SLC25A48: variants seen among roughly 807,000 people sequenced by gnomAD.
SLC25A48 encodes the protein CTC-321K16.1.
SLC25A48 carries 29 observed loss-of-function variants against 32.2 expected under a neutral mutation model. The ratio of observed to expected loss-of-function variants is 0.90; its 90% CI spans 0.67 to 1.23. The LOEUF is 1.23. SLC25A48 is among the 50% of genes most tolerant of loss of function. The probability of loss-of-function intolerance (pLI) is 0.00; values close to 1 mark genes in which losing one functional copy is unlikely to be tolerated. For synonymous variants in SLC25A48, 164 were observed against 172.3 expected (o/e 0.95, Z 0.38); for missense variants, 399 against 422.7 (o/e 0.94, Z 0.49).
intron 3 of SLC25A48, among the ~76,000 whole-genome samples, chr5:135,749,987 C>T (rs1755732097): frequency 6.6e-6 from 1 of 152,302 alleles, no homozygotes; most frequent in South Asian, 2.1e-4. Flanking sequence ...GCTGATAGCC[C>T]TGACACCATC....
At chr5:135,623,568 C>T (rs1450156615) in intron 1 of SLC25A48, among the ~76,000 whole-genome samples, 1 of 152,216 alleles carries the variant, frequency 6.6e-6, no homozygotes, top group Non-Finnish European at 1.5e-5. Context: ...CACCTGACCT[C>T]AGGCTTGTCC....
intron 3 of SLC25A48, among the ~76,000 whole-genome samples, chr5:135,714,363 C>T (rs1199540042): frequency 2.0e-5 from 3 of 152,218 alleles, no homozygotes; most frequent in African/African-American, 4.8e-5. Flanking sequence ...TTGGAAAAGA[C>T]GTGCTCCAGA....
chr5:135,760,587 G>A (rs1197075279), intron 3 of SLC25A48, among the ~76,000 whole-genome samples: 1 of 152,204 alleles, frequency 6.6e-6, no homozygotes, highest in East Asian at 1.9e-4. Flanking sequence ...ACCTTGCTCA[G>A]CTGGGCTCCA....
At chr5:135,633,188 G>T (rs542606367) in intron 2 of SLC25A48, among the ~76,000 whole-genome samples, 1 of 152,186 alleles carries the variant, frequency 6.6e-6, no homozygotes, top group South Asian at 2.1e-4. Context: ...TGGGCTGTAC[G>T]GTTTATTCAC....
intron 3 of SLC25A48, among the ~76,000 whole-genome samples, chr5:135,775,550 CAT>C (rs1170279920): frequency 1.3e-5 from 2 of 151,496 alleles, no homozygotes. Context: ...GTACACCCCT[CAT>C]GTGATATTGT....
rs148733721 is a variant in SLC25A48, at chr5:135,754,740, C to T, written c.-520-57783C>T. ...ACACACTGTGATATTAATGAAATAT[C>T]GCTCTGGCATTTATAATATCGAGTG... On this transcript the variant is annotated intron_variant, in intron 3 of 10. Coordinates refer to the SLC25A48 transcript ENST00000646290. Among the ~76,000 whole-genome samples, 500 of 150,206 alleles carry T rather than the reference C, an allele frequency of 3.3e-3. 6 individuals are homozygous for T. The highest frequency in any genetic ancestry group is 0.011 in the African/African-American group (467 of 40,884).
chr5:135,675,345 A>G lies in SLC25A48; in HGVS notation c.-521+40389A>G, dbSNP rs78178982. On this transcript the variant is annotated intron_variant, in intron 3 of 10. Coordinates refer to the SLC25A48 transcript ENST00000646290. ...CTGTGCAGAAGCTTTTTAGTTTACT[A>G]TAGTCCCATTTATCTGTTTCTGTTT... 1.6e-4 allele frequency among the ~76,000 whole-genome samples: 25 copies of G among 151,988 alleles called. No individual in the cohort carries two copies. The East Asian group carries it at 4.6e-3, about 28-fold the overall frequency.
intron 6 of SLC25A48, chr5:135,874,685 C>T (rs1178569180): frequency 2.8e-6 from 2 of 702,300 alleles, no homozygotes; most frequent in Admixed American, 4.0e-5. Flanking sequence ...ACACGTTTCC[C>T]TGGGCTGTGT....
At chr5:135,685,431 C>CTTTTTTTTTTTTTTTTTTTTTTTT (rs5871571) in intron 3 of SLC25A48, among the ~76,000 whole-genome samples, 1 of 129,754 alleles carries the variant, frequency 7.7e-6, no homozygotes, top group African/African-American at 2.9e-5. Context: ...GATGTAAGGA[C>CTTTTTTTTTTTTTTTTTTTTTTTT]TTTTTTTTTT....
At chr5:135,725,926 C>T (rs1010650274) in intron 3 of SLC25A48, among the ~76,000 whole-genome samples, 12 of 152,110 alleles carry the variant, frequency 7.9e-5, no homozygotes, top group African/African-American at 2.7e-4. Flanking sequence ...AGAAAGCTAC[C>T]CTTGTTAATG....
intron 3 of SLC25A48, among the ~76,000 whole-genome samples, chr5:135,744,581 C>A (rs1433189490): frequency 6.7e-6 from 1 of 149,612 alleles, no homozygotes; most frequent in Non-Finnish European, 1.5e-5. Flanking sequence ...AAGTGATCCA[C>A]CTGCCTCGGC....
chr5:135,678,866 A>G (rs11747106), intron 3 of SLC25A48, among the ~76,000 whole-genome samples: 114,662 of 151,974 alleles, frequency 0.75, 43,721 homozygotes, highest in Middle Eastern at 0.86. Flanking sequence ...CTGTGGTAAA[A>G]TTTTTCTGGG....
At chr5:135,712,535 C>T (rs1221508001) in intron 3 of SLC25A48, among the ~76,000 whole-genome samples, 1 of 152,190 alleles carries the variant, frequency 6.6e-6, no homozygotes, top group Admixed American at 6.5e-5. Context: ...AGCAGGCTTC[C>T]CCTGAGACCT....
intron 3 of SLC25A48, among the ~76,000 whole-genome samples, chr5:135,787,754 G>A (rs183212025): frequency 3.9e-5 from 6 of 151,946 alleles, no homozygotes; most frequent in Admixed American, 1.3e-4. Context: ...CACAGGAGGT[G>A]TACACGCTGT....
chr5:135,672,660 A>G (rs1753682615), intron 3 of SLC25A48, among the ~76,000 whole-genome samples: 1 of 152,222 alleles, frequency 6.6e-6, no homozygotes, highest in East Asian at 1.9e-4. Flanking sequence ...AACACGTAAC[A>G]TCCCCTGTTT....
rs1761778998 is a variant in SLC25A48 at position 135,872,975 on chromosome 5, G to A, written c.680-1046G>A. 2.6e-5 allele frequency among the ~76,000 whole-genome samples: 4 copies of A among 152,212 alleles called. No homozygotes were observed. In the South Asian group the frequency reaches 8.3e-4, roughly 32 times the overall value. ...ACCGACTGGCAGAGAGGACGGCAAG[G>A]CCCCATTTGCTCTCACTTTTGCAGA... is the stretch of plus-strand genomic sequence containing the variant. On this transcript the variant is annotated intron_variant, in intron 5 of 7. Coordinates refer to ENST00000681962, the MANE Select transcript of SLC25A48 (RefSeq NM_001349336.2).
At chr5:135,665,432 G>C (rs1195768366) in intron 3 of SLC25A48, among the ~76,000 whole-genome samples, 1 of 151,850 alleles carries the variant, frequency 6.6e-6, no homozygotes, top group Non-Finnish European at 1.5e-5. Flanking sequence ...AGTTTAATTA[G>C]GTTTCATTTA....
intron 4 of SLC25A48, among the ~76,000 whole-genome samples, chr5:135,818,411 GA>G (rs1757792802): frequency 6.6e-6 from 1 of 152,150 alleles, no homozygotes; most frequent in Non-Finnish European, 1.5e-5. Context: ...AAAGCCTTCA[GA>G]AAGAACCCAA....
At chr5:135,689,684 C>T (rs1754100073) in intron 3 of SLC25A48, among the ~76,000 whole-genome samples, 1 of 152,170 alleles carries the variant, frequency 6.6e-6, no homozygotes, top group South Asian at 2.1e-4. Flanking sequence ...CGACTCATTT[C>T]CTTGTTGGTA....
Sources: allele counts gnomAD v4.1 joint callset (sites outside exome capture counted in the v4.1 genomes callset), GRCh38; gene constraint gnomAD v4.1.1; transcripts MANE v1.5; gene names NCBI Gene and HGNC (gene_info 2026-07-23, HGNC 2026-07-21).